The following TBC1D22A variants were observed in gnomAD, a reference collection of about 807,000 sequenced individuals.
TBC1D22A encodes the protein TBC1 domain family member 22A.
Under a neutral mutation model 60.2 loss-of-function variants are expected in TBC1D22A, and 38 were observed. The observed-to-expected ratio is 0.63, with a 90% CI of 0.49 to 0.83. The LOEUF (loss-of-function observed/expected upper bound fraction) is 0.83. TBC1D22A is among the 40% of genes least tolerant of loss of function. TBC1D22A has a pLI of 0.00. For missense variants in TBC1D22A, 628 were observed against 701.0 expected (o/e 0.90, Z 1.18); for synonymous variants, 302 against 281.7 (o/e 1.07, Z -0.72).
intron 11 of TBC1D22A, among the ~76,000 whole-genome samples, chr22:47,049,066 G>A (rs1469065453): frequency 6.6e-6 from 1 of 152,228 alleles, no homozygotes; most frequent in Non-Finnish European, 1.5e-5. Flanking sequence ...CCAATTTTCT[G>A]TGACCTTTCG....
chr22:46,842,348 A>G (rs917244597), intron 4 of TBC1D22A, among the ~76,000 whole-genome samples: 2 of 152,200 alleles, frequency 1.3e-5, no homozygotes, highest in Non-Finnish European at 2.9e-5. Context: ...TATTTTTAAC[A>G]TTTTATTTGA....
intron 8 of TBC1D22A, chr22:46,915,572 C>T (rs1185926762): frequency 6.6e-6 from 3 of 456,564 alleles, no homozygotes; most frequent in Non-Finnish European, 8.8e-6. Flanking sequence ...TGGGGATGAG[C>T]TTGTGTTGTT....
At chr22:47,030,131 T>A (rs2062419656) in intron 10 of TBC1D22A, among the ~76,000 whole-genome samples, 2 of 152,368 alleles carry the variant, frequency 1.3e-5, no homozygotes, top group African/African-American at 4.8e-5. Flanking sequence ...TTGTTCTTTT[T>A]ATCTTTTTAA....
chr22:46,970,168 A>T (rs1052947542), intron 8 of TBC1D22A, among the ~76,000 whole-genome samples: 3 of 151,968 alleles, frequency 2.0e-5, no homozygotes, highest in African/African-American at 7.3e-5. Context: ...CCCAGGAAGA[A>T]ATCTCTAAGC....
At chr22:46,834,450 CTG>C (rs2086436206) in intron 4 of TBC1D22A, among the ~76,000 whole-genome samples, 1 of 152,128 alleles carries the variant, frequency 6.6e-6, no homozygotes. Flanking sequence ...ACACCCCTCC[CTG>C]AAGGCAGCAT....
At chr22:46,899,970 A>G (rs1021898975) in intron 7 of TBC1D22A, among the ~76,000 whole-genome samples, 15 of 152,058 alleles carry the variant, frequency 9.9e-5, no homozygotes, top group Admixed American at 2.6e-4. Flanking sequence ...CCCTGCATCT[A>G]TCGAAACATT....
chr22:46,982,555 G>A (rs1187563536), intron 9 of TBC1D22A, among the ~76,000 whole-genome samples: 7 of 152,164 alleles, frequency 4.6e-5, no homozygotes, highest in Non-Finnish European at 1.0e-4. Context: ...GGCATTTGGT[G>A]TTGGGGGAAA....
At chr22:47,029,747 TG>T (rs1223171263) in intron 10 of TBC1D22A, among the ~76,000 whole-genome samples, 1 of 152,270 alleles carries the variant, frequency 6.6e-6, no homozygotes, top group Non-Finnish European at 1.5e-5. Flanking sequence ...ATGATTCTGC[TG>T]CTCTTCCTTG....
intron 1 of TBC1D22A, among the ~76,000 whole-genome samples, chr22:46,768,425 C>T (rs1161958967): frequency 7.1e-6 from 1 of 140,998 alleles, no homozygotes; most frequent in East Asian, 2.1e-4. Context: ...GCAGAGGTTG[C>T]AGTGAGCCAA....
At chr22:46,910,341 G>A (rs1003379434) in intron 7 of TBC1D22A, among the ~76,000 whole-genome samples, 2 of 152,102 alleles carry the variant, frequency 1.3e-5, no homozygotes, top group Admixed American at 6.5e-5. Context: ...TCCCTCCTTT[G>A]TAGGTCCCGG....
intron 7 of TBC1D22A, among the ~76,000 whole-genome samples, chr22:46,903,681 A>C (rs1393647287): frequency 6.6e-6 from 1 of 152,132 alleles, no homozygotes; most frequent in Non-Finnish European, 1.5e-5. Flanking sequence ...GCAGGGTAAG[A>C]AGCAGCACAC....
chr22:46,858,883 G>A (rs1602185896), intron 4 of TBC1D22A, among the ~76,000 whole-genome samples: 1 of 152,216 alleles, frequency 6.6e-6, no homozygotes, highest in East Asian at 1.9e-4. Flanking sequence ...TTGCACATGA[G>A]TGTTAAAACT....
intron 4 of TBC1D22A, among the ~76,000 whole-genome samples, chr22:46,832,739 G>T (rs1344426936): frequency 4.6e-5 from 7 of 152,210 alleles, no homozygotes; most frequent in African/African-American, 1.7e-4. Flanking sequence ...GGAAATAAAT[G>T]ATAATTATTT....
At chr22:46,967,410 G>C (rs1438588104) in intron 8 of TBC1D22A, among the ~76,000 whole-genome samples, 3 of 152,244 alleles carry the variant, frequency 2.0e-5, no homozygotes, top group Non-Finnish European at 4.4e-5. Context: ...AAATGCAAAA[G>C]ATTAGATCCA....
intron 5 of TBC1D22A, among the ~76,000 whole-genome samples, chr22:46,881,408 C>G (rs1335898448): frequency 6.6e-6 from 1 of 152,190 alleles, no homozygotes. Flanking sequence ...CCCCTCCAAC[C>G]CCGACAGACC....
chr22:46,876,204 T>C (rs1435381191), intron 4 of TBC1D22A, among the ~76,000 whole-genome samples: 2 of 152,234 alleles, frequency 1.3e-5, no homozygotes, highest in Non-Finnish European at 2.9e-5. Context: ...AGATTCTGCC[T>C]GTGCTTTCAG....
intron 4 of TBC1D22A, among the ~76,000 whole-genome samples, chr22:46,867,422 G>T (rs1290749380): frequency 6.6e-6 from 1 of 152,190 alleles, no homozygotes; most frequent in Non-Finnish European, 1.5e-5. Flanking sequence ...AGACAAAAAC[G>T]ATGTCTGACC....
intron 8 of TBC1D22A, among the ~76,000 whole-genome samples, chr22:46,922,132 T>C (rs1472143651): frequency 6.6e-6 from 1 of 152,250 alleles, no homozygotes; most frequent in Non-Finnish European, 1.5e-5. Context: ...CACCATTTAT[T>C]GAATAGGGAG....
chr22:46,904,142 TCTAC>T (rs11268390), intron 7 of TBC1D22A, among the ~76,000 whole-genome samples: 2,473 of 134,480 alleles, frequency 0.018, 39 homozygotes, highest in Middle Eastern at 0.037. Context: ...TATCTATCTA[TCTAC>T]CTACCTACCT....
Sources: allele counts gnomAD v4.1 joint callset (sites outside exome capture counted in the v4.1 genomes callset), GRCh38; gene constraint gnomAD v4.1.1; transcripts MANE v1.5; gene names NCBI Gene and HGNC (gene_info 2026-07-23, HGNC 2026-07-21).